The following GLDC variants were observed in gnomAD, a reference collection of about 807,000 sequenced individuals.
GLDC encodes glycine decarboxylase.
GLDC carries 104 observed loss-of-function variants against 121.3 expected under a neutral mutation model. The ratio of observed to expected loss-of-function variants is 0.86; its 90% CI spans 0.73 to 1.01. GLDC has a LOEUF of 1.01. Among genes scored for constraint, GLDC ranks in the 50% least tolerant of loss-of-function variants. The pLI is 0.00. For missense variants in GLDC, 1,429 were observed against 1,306.6 expected (o/e 1.09, Z -1.44); for synonymous variants, 546 against 480.6 (o/e 1.14, Z -1.78).
chr9:6,635,866 T>C (rs1345206710), intron 2 of GLDC, among the ~76,000 whole-genome samples: 2 of 151,672 alleles, frequency 1.3e-5, no homozygotes, highest in Non-Finnish European at 1.5e-5. Flanking sequence ...CATAGCAAGA[T>C]ACTGTCTCAA....
At chr9:6,589,412 CTTATTTATTTAT>C (rs200773458) in intron 11 of GLDC, 120 bp from the exon 12 acceptor site, 13 of 454,200 alleles carry the variant, frequency 2.9e-5, no homozygotes, top group African/African-American at 4.2e-5. Flanking sequence ...TATAATTTTA[CTTATTTATTTAT>C]TTATTTATTT....
intron 2 of GLDC, chr9:6,639,668 A>AAAAAAAAATATATAT: frequency 3.8e-4 from 96 of 250,528 alleles, no homozygotes; most frequent in Admixed American, 3.4e-3. Flanking sequence ...ATAAAAAAAA[A>AAAAAAAAATATATAT]GTATATATAT....
At chr9:6,568,953 C>T (rs1817902666) in intron 15 of GLDC, 1 of 152,198 alleles carries the variant, frequency 6.6e-6, no homozygotes, top group South Asian at 2.1e-4. Context: ...ATTGAGCAGA[C>T]AACTTCTTCC....
chr9:6,639,307 A>C, intron 2 of GLDC: 1 of 935,320 alleles, frequency 1.1e-6, no homozygotes, highest in Non-Finnish European at 1.7e-6. Flanking sequence ...GCGACTCCAG[A>C]GACAGCCCAA....
At chr9:6,634,976 T>C (rs921691453) in intron 2 of GLDC, among the ~76,000 whole-genome samples, 11 of 152,174 alleles carry the variant, frequency 7.2e-5, no homozygotes, top group Non-Finnish European at 1.6e-4. Flanking sequence ...GCCCTCCATA[T>C]TGTGGCCCCA....
At chr9:6,560,242 G>A (rs1182965895) in intron 16 of GLDC, among the ~76,000 whole-genome samples, 2 of 152,198 alleles carry the variant, frequency 1.3e-5, no homozygotes, top group African/African-American at 4.8e-5. Context: ...ACAGAGAGAT[G>A]GATGGGCATT....
intron 2 of GLDC, among the ~76,000 whole-genome samples, chr9:6,643,416 TG>T (rs141405531): frequency 0.015 from 2,275 of 150,492 alleles, 53 homozygotes; most frequent in African/African-American, 0.052. Flanking sequence ...GCTTGCCATC[TG>T]CACACTAGAT....
Position 6,644,707 on chromosome 9 carries a change from C to T in GLDC, c.256-15G>A, listed in dbSNP as rs189719025. ...TCATCAATGCTCTAAAATTAAAACG[C>T]AAGGCAGAGGAAAGTGCCTCTGAGT... On this transcript the variant is annotated splice_polypyrimidine_tract_variant and intron_variant, in intron 1 of 24. Coordinates refer to ENST00000321612, the MANE Select transcript of GLDC (RefSeq NM_000170.3). 4 of 1,589,998 alleles carry T rather than the reference C, an allele frequency of 2.5e-6. No individual in the cohort carries two copies. Among genetic ancestry groups the T allele is most frequent in the Admixed American group, 3.3e-5 (2 of 59,980 alleles).
intron 16 of GLDC, among the ~76,000 whole-genome samples, chr9:6,564,443 T>G (rs561872950): frequency 6.6e-6 from 1 of 152,236 alleles, no homozygotes; most frequent in East Asian, 1.9e-4. Context: ...AACCTTCCAG[T>G]GGTAATAAAA....
At chr9:6,629,841 A>G in intron 2 of GLDC, among the ~76,000 whole-genome samples, 1 of 149,954 alleles carries the variant, frequency 6.7e-6, no homozygotes, top group African/African-American at 2.5e-5. Context: ...GCATCTGTTT[A>G]TATATTAGCA....
intron 22 of GLDC, among the ~76,000 whole-genome samples, chr9:6,538,055 A>T (rs1324444349): frequency 6.6e-6 from 1 of 152,138 alleles, no homozygotes; most frequent in African/African-American, 2.4e-5. Context: ...TCCTAACTGT[A>T]CCATTTAATG....
At chr9:6,600,195 C>G (rs1818577082) in intron 8 of GLDC, among the ~76,000 whole-genome samples, 2 of 152,106 alleles carry the variant, frequency 1.3e-5, no homozygotes, top group Non-Finnish European at 1.5e-5. Flanking sequence ...GAGACCTCGC[C>G]TCTACAAAAC....
intron 9 of GLDC, 124 bp from the exon 10 acceptor site, chr9:6,593,114 G>C (rs1818411084): frequency 1.0e-6 from 1 of 977,072 alleles, no homozygotes; most frequent in Non-Finnish European, 1.6e-6. Flanking sequence ...GAGTGCTTTG[G>C]TGATTGCTTT....
intron 22 of GLDC, among the ~76,000 whole-genome samples, chr9:6,539,604 C>G (rs894142734): frequency 3.9e-5 from 6 of 152,220 alleles, no homozygotes; most frequent in Non-Finnish European, 7.3e-5. Context: ...CCGTGTCTTT[C>G]AAAATGCTTC....
chr9:6,567,296 G>C (rs1482526047), intron 15 of GLDC: 1 of 152,154 alleles, frequency 6.6e-6, no homozygotes, highest in Admixed American at 6.6e-5. Flanking sequence ...TGAAAAACAA[G>C]TCCTAGCCTA....
intron 15 of GLDC, among the ~76,000 whole-genome samples, chr9:6,577,517 G>A (rs923258520): frequency 7.2e-5 from 11 of 152,100 alleles, no homozygotes; most frequent in South Asian, 2.1e-4. Context: ...TTCACAATAC[G>A]CATGTTCTCC....
chr9:6,581,588 A>T (rs1183955294), intron 15 of GLDC, among the ~76,000 whole-genome samples: 1 of 152,226 alleles, frequency 6.6e-6, no homozygotes, highest in Non-Finnish European at 1.5e-5. Context: ...CCTCCTCTCC[A>T]GTCAGGGTCT....
chr9:6,585,366 T>C (rs60798439), intron 15 of GLDC, among the ~76,000 whole-genome samples: 1,928 of 152,300 alleles, frequency 0.013, 27 homozygotes, highest in African/African-American at 0.044. Flanking sequence ...ATAACTATCA[T>C]AGACTCAAGG....
intron 15 of GLDC, among the ~76,000 whole-genome samples, chr9:6,572,864 G>C (rs1476572288): frequency 6.6e-6 from 1 of 152,094 alleles, no homozygotes; most frequent in East Asian, 1.9e-4. Context: ...GAGCCCTTAG[G>C]TGGCACATAC....
Sources: allele counts gnomAD v4.1 joint callset (sites outside exome capture counted in the v4.1 genomes callset), GRCh38; gene constraint gnomAD v4.1.1; transcripts MANE v1.5; gene names NCBI Gene and HGNC (gene_info 2026-07-23, HGNC 2026-07-21).